The following SFXN2 variants were observed in gnomAD, a reference collection of about 807,000 sequenced individuals.
SFXN2 encodes sideroflexin 2.
SFXN2 carries 37 observed loss-of-function variants against 41.9 expected under a neutral mutation model. The observed-to-expected ratio is 0.88, with a 90% CI of 0.68 to 1.16. The LOEUF (loss-of-function observed/expected upper bound fraction) is 1.16, where lower values mean the gene tolerates loss of function less well. Ranked by LOEUF, SFXN2 falls within the 50% of genes most tolerant of loss-of-function variation. The pLI is 0.00. For synonymous variants in SFXN2, 150 were observed against 156.7 expected (o/e 0.96, Z 0.32); for missense variants, 386 against 425.2 (o/e 0.91, Z 0.81).
At chr10:102,728,655 A>G in intron 4 of SFXN2, 126 bp downstream of exon 4, 1 of 750,974 alleles carries the variant, frequency 1.3e-6, no homozygotes. Context: ...ACCCTTTCCC[A>G]GGGTTTGGAA....
chr10:102,735,913 T>C lies in SFXN2; in HGVS notation c.869+4T>C. 5.0e-6 allele frequency: 8 copies of C among 1,614,058 alleles called. No individual in the cohort carries two copies. The highest frequency in any genetic ancestry group is 1.7e-5 in the Admixed American group (1 of 60,028). On this transcript the variant is annotated splice_donor_region_variant and intron_variant, in intron 11 of 11. Coordinates refer to ENST00000369893, the MANE Select transcript of SFXN2 (RefSeq NM_178858.6). The stretch of plus-strand genomic sequence containing the variant: ...GTGGGCTTTTCCCACAGAAATGGTA[T>C]CTGCTGTTCATTCCTTACTTGGTTT...
chr10:102,718,918 CTT>C lies in SFXN2; in HGVS notation c.-26+4260_-26+4261del, dbSNP rs34471332. On this transcript the variant is annotated intron_variant, in intron 1 of 11. Transcript: ENST00000369893. Reference sequence around the variant, plus strand: ...TTTGGGGGCTTCCTTTTCTCGGCTTCTTTTTTTTTTTTTTTTTTTTTTTTGAG... The same window carrying C: ...TTTGGGGGCTTCCTTTTCTCGGCTTCTTTTTTTTTTTTTTTTTTTTTTGAG... Among the ~76,000 whole-genome samples, 232 of 74,298 alleles carry C rather than the reference CTT, an allele frequency of 3.1e-3. 1 individual carries two copies. The Middle Eastern group carries it at 0.039, about 13-fold the overall frequency. The allele number at this position is 74,298 out of a possible 152,430, so 48.7% of individuals were successfully genotyped here.
rs2064822380 is a variant in SFXN2, at chr10:102,739,314, G to T, written c.*1552G>T. The T allele has an allele frequency of 6.8e-6, 1 of 146,964 alleles. No individual in the cohort carries two copies. Among genetic ancestry groups the T allele is most frequent in the African/African-American group, 2.4e-5 (1 of 41,036 alleles). The allele number at this position is 146,964 out of a possible 1,614,324, so 9.1% of individuals were successfully genotyped here. On this transcript the variant is annotated 3_prime_UTR_variant, in exon 12 of 12. Transcript: ENST00000369893. ...GGAACTTGTCTGATGCCTGGAGGCT[G>T]TTGTTTATTTCCCTCATTAAAGGGG...
intron 3 of SFXN2, 144 bp downstream of exon 3, chr10:102,727,301 T>C: frequency 3.5e-6 from 3 of 845,212 alleles, no homozygotes; most frequent in Admixed American, 5.8e-5. Context: ...CTCGTATTGC[T>C]TCATTTAACC....
At chr10:102,723,836 A>G (rs923961793) in intron 1 of SFXN2, among the ~76,000 whole-genome samples, 4 of 151,830 alleles carry the variant, frequency 2.6e-5, no homozygotes, top group Non-Finnish European at 4.4e-5. Flanking sequence ...TTTTTGTTTT[A>G]ACTTTTACTT....
At position 102,734,038 on chromosome 10, in the gene SFXN2, C is replaced by G. The variant is rs1026568541; in HGVS notation, c.821+435C>G. ...GAGTAGCTGGGATTACAGGCACGCACCATGATGCCTTGCTAATTTTTGTAT... is the reference window on the plus strand; with the variant it reads ...GAGTAGCTGGGATTACAGGCACGCAGCATGATGCCTTGCTAATTTTTGTAT... On this transcript the variant is annotated intron_variant, in intron 10 of 11. Transcript: ENST00000369893. The surrounding 1 kb of genome is among the most constrained non-coding windows in gnomAD (Gnocchi z 4.1). Among the ~76,000 whole-genome samples, 5 of 152,124 alleles carry G rather than the reference C, an allele frequency of 3.3e-5. No homozygotes were observed. The highest frequency in any genetic ancestry group is 3.3e-4 in the Admixed American group (5 of 15,254).
chr10:102,723,044 A>G (rs2136035017), intron 1 of SFXN2, among the ~76,000 whole-genome samples: 1 of 140,298 alleles, frequency 7.1e-6, no homozygotes, highest in East Asian at 2.1e-4. Flanking sequence ...CATTCCTCCC[A>G]CATCAGCCTC....
chr10:102,729,871 C>A, intron 6 of SFXN2, 63 bp downstream of exon 6: 1 of 1,574,470 alleles, frequency 6.4e-7, no homozygotes, highest in South Asian at 1.1e-5. Flanking sequence ...GGCAAGAAAC[C>A]AAAGCAGTGG....
rs2064648128 is a variant in SFXN2, at chr10:102,728,577, C to G, written c.431+48C>G. The G allele has an allele frequency of 3.2e-6, 5 of 1,549,636 alleles. No homozygotes were observed. The African/African-American group carries it at 4.1e-5, about 13-fold the overall frequency. On this transcript the variant is annotated intron_variant, in intron 4 of 11. Transcript: ENST00000369893. ...TGTCCTCGTGTCTCCCCACGAACAG[C>G]TTTTCTAAAGGGTTCTGGGCTGTCA...
At position 102,738,191 on chromosome 10, in the gene SFXN2, T is replaced by A. The variant is rs948012778; in HGVS notation, c.*429T>A. 6.5e-6 allele frequency: 1 copy of A among 152,672 alleles called. No individual in the cohort carries two copies. The highest frequency in any genetic ancestry group is 1.5e-5 in the Non-Finnish European group (1 of 68,448). 9.5% of individuals were successfully genotyped at this position (152,672 alleles called of 1,614,324 possible). On this transcript the variant is annotated 3_prime_UTR_variant, in exon 12 of 12. Coordinates refer to ENST00000369893, the MANE Select transcript of SFXN2 (RefSeq NM_178858.6). ...CCCAAGCAATGGAAACTTTTACCCA[T>A]GTAATTCTAGCTGAACTCAGGAAAA...
intron 1 of SFXN2, chr10:102,724,966 A>G (rs756183141): frequency 6.7e-6 from 1 of 148,810 alleles, no homozygotes; most frequent in Non-Finnish European, 1.5e-5. Context: ...TGAAAGCTGG[A>G]CATGATGTAC....
At position 102,742,383 on chromosome 10, in the gene SFXN2, G is replaced by C. The variant is rs967338697; in HGVS notation, c.*4621G>C. On this transcript the variant is annotated 3_prime_UTR_variant, in exon 12 of 12. Coordinates refer to ENST00000369893, the MANE Select transcript of SFXN2 (RefSeq NM_178858.6). ...GGGTTTCACAATGTTGGCCAGGCTC[G>C]AACTCCTGACCATGTGATCCGCCCA... 4 of 151,670 alleles carry C rather than the reference G, an allele frequency of 2.6e-5. No individual in the cohort carries two copies. Among genetic ancestry groups the C allele is most frequent in the Admixed American group, 6.6e-5 (1 of 15,212 alleles). 9.4% of individuals were successfully genotyped at this position (151,670 alleles called of 1,614,324 possible).
chr10:102,727,218 C>T lies in SFXN2; in HGVS notation c.332+61C>T. On this transcript the variant is annotated intron_variant, in intron 3 of 11. Transcript: ENST00000369893. ...TGCCTGGATCTGCTGGTCAGGGAGCCATACTATGATAATAATAATAGTTCT... is the reference window on the plus strand; with the variant it reads ...TGCCTGGATCTGCTGGTCAGGGAGCTATACTATGATAATAATAATAGTTCT... 2.7e-6 allele frequency: 4 copies of T among 1,505,590 alleles called. No individual in the cohort carries two copies. The South Asian group carries it at 3.7e-5, about 14-fold the overall frequency. The allele number at this position is 1,505,590 out of a possible 1,614,324, so 93.3% of individuals were successfully genotyped here.
At position 102,718,610 on chromosome 10, in the gene SFXN2, A is replaced by G. The variant is rs1350776329; in HGVS notation, c.-26+3929A>G. 3.3e-5 allele frequency among the ~76,000 whole-genome samples: 5 copies of G among 152,234 alleles called. No homozygotes were observed. In the East Asian group the frequency reaches 9.6e-4, roughly 29 times the overall value. ...CTGGAGATTGCCGCTTCAGAGAAGC[A>G]TCGGGGCCAGGCCAGGGCGCTGTGG... On this transcript the variant is annotated intron_variant, in intron 1 of 11. Coordinates refer to ENST00000369893, the MANE Select transcript of SFXN2 (RefSeq NM_178858.6).
intron 4 of SFXN2, 73 bp from the exon 5 acceptor site, chr10:102,729,244 CTT>C (rs2064661295): frequency 6.8e-7 from 1 of 1,462,428 alleles, no homozygotes; most frequent in African/African-American, 1.4e-5. Context: ...CGCCAGCCGA[CTT>C]TCTCCCTGAA....
intron 4 of SFXN2, 49 bp from the exon 5 acceptor site, chr10:102,729,270 C>T (rs1221010231): frequency 6.3e-7 from 1 of 1,588,986 alleles, no homozygotes; most frequent in Non-Finnish European, 8.6e-7. Context: ...CGTGGTTTGG[C>T]CCTCAGCCGG....
At chr10:102,729,497 G>A (rs2064667542) in intron 5 of SFXN2, 103 bp downstream of exon 5, 19 of 1,388,170 alleles carry the variant, frequency 1.4e-5, no homozygotes, top group Non-Finnish European at 1.8e-5. Flanking sequence ...GGGTGAGTTG[G>A]GAATGGCCAG....
At chr10:102,720,101 G>C (rs1435472113) in intron 1 of SFXN2, among the ~76,000 whole-genome samples, 1 of 152,006 alleles carries the variant, frequency 6.6e-6, no homozygotes, top group Non-Finnish European at 1.5e-5. Context: ...GACCATCCTG[G>C]CTAACACGGT....
intron 1 of SFXN2, chr10:102,726,357 C>A: frequency 2.4e-6 from 1 of 423,024 alleles, no homozygotes. Context: ...CAAGCACAGG[C>A]ACTGTATTGT....
Sources: gnomAD v4.1 joint callset for allele counts (sites outside exome capture counted in the v4.1 genomes callset) on GRCh38, gnomAD v4.1.1 for gene constraint, Gnocchi (gnomAD v3.1) non-coding constraint, MANE v1.5 for transcripts, NCBI Gene and HGNC (gene_info 2026-07-23, HGNC 2026-07-21) for gene names.